PIP5K1B: variants seen among roughly 807,000 people sequenced by gnomAD.
The protein encoded by PIP5K1B is phosphatidylinositol-4-phosphate 5-kinase type 1 beta.
In PIP5K1B, 42 loss-of-function variants were observed where a neutral mutation model predicts 67.0. The ratio of observed to expected loss-of-function variants is 0.63; its 90% CI spans 0.49 to 0.81. The LOEUF is 0.81. PIP5K1B is among the 30% of genes least tolerant of loss of function. The probability of loss-of-function intolerance (pLI) is 0.00; values close to 1 mark genes in which losing one functional copy is unlikely to be tolerated. For missense variants in PIP5K1B, 459 were observed against 646.3 expected (o/e 0.71, Z 3.14); for synonymous variants, 214 against 231.4 (o/e 0.92, Z 0.68).
At position 68,940,759 on chromosome 9, in the gene PIP5K1B, C is replaced by T; in HGVS notation, c.1471C>T (p.Pro491Ser). Reference protein sequence around the residue: ...SSSLYVNEHYPHDRPTLYSNS... With the variant: ...SSSLYVNEHYSHDRPTLYSNS... ...TTCCTTATACGTCAATGAGCACTAT[C>T]CACACGACAGGCCTACACTCTATTC... Residue 491 changes from proline to serine, a missense_variant, in exon 14 of 16, where the codon CCA becomes TCA. By Grantham distance (74) the Pro-to-Ser change is moderately conservative (BLOSUM62 -1). Transcript: ENST00000265382. 6.2e-7 allele frequency: 1 copy of T among 1,613,928 alleles called. No individual in the cohort carries two copies. The highest frequency in any genetic ancestry group is 8.5e-7 in the Non-Finnish European group (1 of 1,179,854).
chr9:69,005,908 C>T (rs1831057117), intron 15 of PIP5K1B, among the ~76,000 whole-genome samples: 1 of 151,306 alleles, frequency 6.6e-6, no homozygotes, highest in African/African-American at 2.4e-5. Flanking sequence ...GAGACAGGGT[C>T]TCTCTCCGTC....
intron 8 of PIP5K1B, among the ~76,000 whole-genome samples, chr9:68,909,951 C>T (rs1226921599): frequency 6.6e-6 from 1 of 152,112 alleles, no homozygotes. Context: ...AGTAGGTGCG[C>T]AATAAAATAC....
At chr9:68,914,947 C>T (rs1826025872) in intron 8 of PIP5K1B, among the ~76,000 whole-genome samples, 1 of 152,186 alleles carries the variant, frequency 6.6e-6, no homozygotes, top group South Asian at 2.1e-4. Flanking sequence ...ATGTTTACTT[C>T]AAGCGAACAC....
chr9:68,779,898 CAAT>C (rs1465010063), intron 2 of PIP5K1B: 2 of 437,260 alleles, frequency 4.6e-6, no homozygotes, highest in Non-Finnish European at 7.9e-6. Flanking sequence ...AGCTTGCGCT[CAAT>C]AGCTATTTGC....
intron 4 of PIP5K1B, among the ~76,000 whole-genome samples, chr9:68,828,016 T>C: frequency 6.6e-6 from 1 of 152,168 alleles, no homozygotes; most frequent in East Asian, 1.9e-4. Flanking sequence ...TACCTTGCAG[T>C]TCTTTGTTAG....
intron 4 of PIP5K1B, among the ~76,000 whole-genome samples, chr9:68,859,874 C>G (rs960901744): frequency 3.3e-5 from 5 of 152,152 alleles, no homozygotes; most frequent in African/African-American, 1.2e-4. Context: ...TCAGACATTT[C>G]CACAAAGCAG....
chr9:69,003,054 C>T (rs1830895194), intron 15 of PIP5K1B, among the ~76,000 whole-genome samples: 2 of 151,908 alleles, frequency 1.3e-5, no homozygotes, highest in African/African-American at 4.8e-5. Context: ...ATGAAGGGGA[C>T]CCCGGAGCCA....
At chr9:68,910,866 C>A (rs1445445654) in intron 8 of PIP5K1B, among the ~76,000 whole-genome samples, 1 of 152,218 alleles carries the variant, frequency 6.6e-6, no homozygotes, top group African/African-American at 2.4e-5. Context: ...AGAGCACATT[C>A]AGGGGTAAAG....
At chr9:68,879,170 A>T (rs1824047830) in intron 6 of PIP5K1B, among the ~76,000 whole-genome samples, 1 of 152,236 alleles carries the variant, frequency 6.6e-6, no homozygotes, top group Non-Finnish European at 1.5e-5. Flanking sequence ...TAAAAGGAGA[A>T]TCCTTGTCTT....
rs11389667 is a variant in PIP5K1B at position 68,871,907 on chromosome 9, G to GTT, written c.201-4757_201-4756dup. ...AAGACAAGAAAGTCAGTTGTCGGGT[G>GTT]TTTTTTTTTTTTTTCCACACCCTAC... On this transcript the variant is annotated intron_variant, in intron 5 of 15. Transcript: ENST00000265382. Among the ~76,000 whole-genome samples, 282 of 148,036 alleles carry GTT rather than the reference G, an allele frequency of 1.9e-3. 3 individuals carry two copies. In the East Asian group the frequency reaches 0.023, roughly 12 times the overall value.
At chr9:68,725,273 C>T (rs1828096848) in intron 1 of PIP5K1B, among the ~76,000 whole-genome samples, 1 of 152,174 alleles carries the variant, frequency 6.6e-6, no homozygotes, top group African/African-American at 2.4e-5. Context: ...CTGTCTGACT[C>T]ATCCGGCCTC....
At chr9:68,740,597 AC>A (rs1305974879) in intron 1 of PIP5K1B, among the ~76,000 whole-genome samples, 3 of 152,244 alleles carry the variant, frequency 2.0e-5, no homozygotes, top group Non-Finnish European at 4.4e-5. Flanking sequence ...AAACTTCATA[AC>A]TAGCACTCTG....
At chr9:68,858,489 G>C (rs918866597) in intron 4 of PIP5K1B, among the ~76,000 whole-genome samples, 2 of 152,148 alleles carry the variant, frequency 1.3e-5, no homozygotes, top group African/African-American at 4.8e-5. Flanking sequence ...GGTTCATAAG[G>C]TCAGCTTGCT....
chr9:68,734,387 T>C (rs1271291964), intron 1 of PIP5K1B, among the ~76,000 whole-genome samples: 1 of 152,146 alleles, frequency 6.6e-6, no homozygotes, highest in African/African-American at 2.4e-5. Context: ...GCACACAGAA[T>C]TAATAAAGCT....
chr9:68,822,740 A>G, intron 4 of PIP5K1B, 57 bp downstream of exon 4: 1 of 1,199,966 alleles, frequency 8.3e-7, no homozygotes, highest in Non-Finnish European at 1.2e-6. Flanking sequence ...TGGCACGTGA[A>G]TATTATCAAA....
intron 14 of PIP5K1B, among the ~76,000 whole-genome samples, chr9:68,942,064 A>T (rs911906855): frequency 7.9e-5 from 12 of 152,344 alleles, no homozygotes; most frequent in African/African-American, 2.9e-4. Context: ...CATCTAAACT[A>T]TACAAAGTTA....
chr9:68,890,405 G>C (rs369488039), intron 7 of PIP5K1B, among the ~76,000 whole-genome samples: 1 of 152,176 alleles, frequency 6.6e-6, no homozygotes. Context: ...ACATGAAGCT[G>C]TCTGGATTTC....
chr9:68,966,836 G>T (rs1051661851), intron 14 of PIP5K1B: 1 of 152,218 alleles, frequency 6.6e-6, no homozygotes, highest in African/African-American at 2.4e-5. Flanking sequence ...TAATGTAAAT[G>T]TTGGGGGATT....
At chr9:68,762,196 A>G (rs1393194446) in intron 2 of PIP5K1B, among the ~76,000 whole-genome samples, 2 of 152,064 alleles carry the variant, frequency 1.3e-5, no homozygotes, top group African/African-American at 2.4e-5. Flanking sequence ...AAAGACAGAA[A>G]CTATGTCCTT....
Sources: allele counts gnomAD v4.1 joint callset (sites outside exome capture counted in the v4.1 genomes callset), GRCh38; gene constraint gnomAD v4.1.1; transcripts MANE v1.5; gene names NCBI Gene and HGNC (gene_info 2026-07-23, HGNC 2026-07-21).